The following FGD5 variants were observed in gnomAD, a reference collection of about 807,000 sequenced individuals.
FGD5 encodes the protein FYVE, RhoGEF and PH domain-containing protein 5.
In FGD5, 28 loss-of-function variants were observed where a neutral mutation model predicts 133.4. The observed-to-expected ratio is 0.21, with a 90% CI of 0.16 to 0.29. The LOEUF (loss-of-function observed/expected upper bound fraction) is 0.29. Ranked by LOEUF, FGD5 falls within the 10% of genes least tolerant of loss-of-function variation. FGD5 has a pLI of 1.00. For missense variants in FGD5, 1,858 were observed against 1,895.2 expected (o/e 0.98, Z 0.36); for synonymous variants, 810 against 776.5 (o/e 1.04, Z -0.72).
chr3:14,897,289 G>C, intron 4 of FGD5: 1 of 557,154 alleles, frequency 1.8e-6, no homozygotes, highest in South Asian at 2.4e-5. Context: ...GCGTTGGGTT[G>C]GGTGCTCTTT....
At chr3:14,899,217 G>C (rs1441447480) in intron 7 of FGD5, among the ~76,000 whole-genome samples, 2 of 151,998 alleles carry the variant, frequency 1.3e-5, no homozygotes, top group African/African-American at 2.4e-5. Flanking sequence ...CCTGCTTCTC[G>C]AGTCCTTTCC....
At chr3:14,829,753 C>G (rs17040338) in intron 1 of FGD5, among the ~76,000 whole-genome samples, 1 of 152,078 alleles carries the variant, frequency 6.6e-6, no homozygotes. Context: ...CCGAGAATAG[C>G]GACTGCCATT....
intron 2 of FGD5, among the ~76,000 whole-genome samples, chr3:14,873,807 C>T (rs1209412612): frequency 2.6e-5 from 4 of 151,912 alleles, no homozygotes; most frequent in Admixed American, 1.3e-4. Flanking sequence ...CTGCAACCTC[C>T]GCCTCCCGGG....
chr3:14,913,450 G>A (rs1048115220), intron 11 of FGD5, among the ~76,000 whole-genome samples: 1 of 152,108 alleles, frequency 6.6e-6, no homozygotes, highest in African/African-American at 2.4e-5. Flanking sequence ...AGGCCATACC[G>A]GATGGCAATG....
At position 14,820,961 on chromosome 3, in the gene FGD5, A is replaced by G. The variant is rs1381515977; in HGVS notation, c.1890A>G (p.Thr630=). The part of the protein sequence containing the change: ...DLACITKKPI[T]KSSPSLLIES... ...CCTGCATCACCAAGAAGCCCATCAC[A>G]AAGAGCTCTCCCTCACTCCTGATCG... The change falls in exon 1 of 20, where the codon ACA becomes ACG. Residue 630 remains threonine, a synonymous_variant. Coordinates refer to ENST00000285046, the MANE Select transcript of FGD5 (RefSeq NM_152536.4). The G allele has an allele frequency of 4.3e-6, 7 of 1,613,874 alleles. No individual in the cohort carries two copies. Among genetic ancestry groups the G allele is most frequent in the Non-Finnish European group, 5.1e-6 (6 of 1,179,866 alleles).
chr3:14,932,942 T>C (rs1483539450), intron 19 of FGD5, among the ~76,000 whole-genome samples, 189 bp from the exon 20 acceptor site: 1 of 152,246 alleles, frequency 6.6e-6, no homozygotes, highest in Non-Finnish European at 1.5e-5. Flanking sequence ...ATTGATTCAG[T>C]AAGCTTTTGC....
At chr3:14,915,915 A>T (rs1047450813) in intron 11 of FGD5, among the ~76,000 whole-genome samples, 5 of 152,042 alleles carry the variant, frequency 3.3e-5, no homozygotes, top group Admixed American at 1.3e-4. Flanking sequence ...CACCATGTGT[A>T]CAGGGTTCAC....
At chr3:14,878,409 C>T (rs573847423) in intron 2 of FGD5, among the ~76,000 whole-genome samples, 5 of 152,268 alleles carry the variant, frequency 3.3e-5, no homozygotes, top group South Asian at 2.1e-4. Flanking sequence ...TTCCCTTACT[C>T]GATTCTATAA....
intron 11 of FGD5, among the ~76,000 whole-genome samples, chr3:14,914,622 T>C (rs916266629): frequency 6.6e-6 from 1 of 152,084 alleles, no homozygotes; most frequent in Non-Finnish European, 1.5e-5. Flanking sequence ...GGAGGGTTCA[T>C]GGGCAAGGTT....
At chr3:14,862,681 G>A (rs191516447) in intron 1 of FGD5, among the ~76,000 whole-genome samples, 25 of 152,378 alleles carry the variant, frequency 1.6e-4, no homozygotes, top group Non-Finnish European at 4.4e-5. Flanking sequence ...AAAGAGGTCT[G>A]ACCAGAGGGT....
rs140928671 is a variant in FGD5, at chr3:14,851,651, T to C, written c.2526-12477T>C. Among the ~76,000 whole-genome samples the C allele has an allele frequency of 2.2e-3, 338 of 152,290 alleles. 4 individuals carry two copies. The highest frequency in any genetic ancestry group is 0.02 in the Admixed American group (300 of 15,288). The stretch of plus-strand genomic sequence containing the variant: ...TTTGTGGCTCCGGCTTACATATTGT[T>C]CTTGAATGTTACCTCTTTATGTTAT... On this transcript the variant is annotated intron_variant, in intron 1 of 19. Transcript: ENST00000285046.
At chr3:14,840,278 G>A (rs558352149) in intron 1 of FGD5, among the ~76,000 whole-genome samples, 32 of 152,240 alleles carry the variant, frequency 2.1e-4, no homozygotes, top group Non-Finnish European at 3.8e-4. Flanking sequence ...CTGAGTAGCT[G>A]GGATTACAGG....
chr3:14,832,460 G>A (rs988818454), intron 1 of FGD5, among the ~76,000 whole-genome samples: 2 of 152,228 alleles, frequency 1.3e-5, no homozygotes, highest in Admixed American at 6.5e-5. Flanking sequence ...GCAACGGAGC[G>A]AGAATTTTAA....
intron 11 of FGD5, among the ~76,000 whole-genome samples, chr3:14,912,864 A>G (rs1198416355): frequency 6.6e-6 from 1 of 152,090 alleles, no homozygotes; most frequent in Non-Finnish European, 1.5e-5. Flanking sequence ...GTGAAACCCC[A>G]TCTCTACTAA....
At chr3:14,908,941 T>C (rs532043856) in intron 10 of FGD5, among the ~76,000 whole-genome samples, 36 of 149,948 alleles carry the variant, frequency 2.4e-4, no homozygotes, top group East Asian at 1.6e-3. Context: ...TTTATTTATT[T>C]ATTTATTTAT....
rs199608795 is a variant in FGD5, at chr3:14,820,578, C to T, written c.1507C>T (p.Pro503Ser). 2,188 of 1,610,134 alleles carry T rather than the reference C, an allele frequency of 1.4e-3. 2 individuals carry two copies. Among genetic ancestry groups the T allele is most frequent in the Non-Finnish European group, 1.7e-3 (2,041 of 1,177,742 alleles). ...VPETVPEETG[P>S]EAGSSAPGIG... ...AGAAACCGTCCCTGAAGAAACCGGA[C>T]CTGAGGCGGGCTCGTCAGCCCCTGG... The change falls in exon 1 of 20, where the codon CCT becomes TCT. Residue 503 changes from proline (P) to serine (S), a missense_variant. Pro to Ser is a moderately conservative substitution (Grantham distance 74). Around this residue, in one of 3 missense-constraint regions of FGD5, gnomAD observed 1,824 missense variants for 1,848.9 expected, o/e 0.99. Coordinates refer to ENST00000285046, the MANE Select transcript of FGD5 (RefSeq NM_152536.4).
At chr3:14,876,925 C>T (rs1025482804) in intron 2 of FGD5, among the ~76,000 whole-genome samples, 1 of 152,342 alleles carries the variant, frequency 6.6e-6, no homozygotes, top group Non-Finnish European at 1.5e-5. Flanking sequence ...CCGACCTGCC[C>T]GGGTCCCAGA....
chr3:14,922,285 C>T lies in FGD5; in HGVS notation c.3670-126C>T. 2.2e-6 allele frequency: 3 copies of T among 1,379,062 alleles called. No individual in the cohort carries two copies. The highest frequency in any genetic ancestry group is 3.0e-6 in the Non-Finnish European group (3 of 1,012,376). The allele number at this position is 1,379,062 out of a possible 1,614,324, so 85.4% of individuals were successfully genotyped here. A position where few individuals can be genotyped will look rare whatever the true frequency, so the allele number is the denominator to read the frequency against. ...TGGAGGGTGCAGGAGAGGCCTTTCACATCAGACCCACTCACCCACACATCA... is the reference window on the plus strand; with the variant it reads ...TGGAGGGTGCAGGAGAGGCCTTTCATATCAGACCCACTCACCCACACATCA... On this transcript the variant is annotated intron_variant, in intron 14 of 19. Transcript: ENST00000285046. The surrounding 1 kb of genome is among the most constrained non-coding windows in gnomAD (Gnocchi z 4.1).
chr3:14,894,088 C>A (rs2038087091), intron 4 of FGD5, among the ~76,000 whole-genome samples: 1 of 152,034 alleles, frequency 6.6e-6, no homozygotes, highest in Admixed American at 6.6e-5. Flanking sequence ...TATATCTGCA[C>A]CCATTAATCA....
Sources: allele counts gnomAD v4.1 joint callset (sites outside exome capture counted in the v4.1 genomes callset), GRCh38; gene constraint gnomAD v4.1.1; regional missense constraint gnomAD v4.1.1; non-coding constraint Gnocchi (gnomAD v3.1); transcripts MANE v1.5; gene names NCBI Gene and HGNC (gene_info 2026-07-23, HGNC 2026-07-21).